Variants in EPHA6 observed in about 807,000 individuals in gnomAD.
EPHA6 encodes EPH receptor A6.
EPHA6 carries 50 observed loss-of-function variants against 112.0 expected under a neutral mutation model. The ratio of observed to expected loss-of-function variants is 0.45; its 90% CI spans 0.36 to 0.56. The LOEUF (loss-of-function observed/expected upper bound fraction) is 0.56. Ranked by LOEUF, EPHA6 falls within the 20% of genes least tolerant of loss-of-function variation. The pLI is 0.00. For synonymous variants in EPHA6, 529 were observed against 490.7 expected (o/e 1.08, Z -1.03); for missense variants, 1,280 against 1,417.4 (o/e 0.90, Z 1.56).
intron 14 of EPHA6, among the ~76,000 whole-genome samples, chr3:97,684,677 C>T (rs950322835): frequency 1.3e-5 from 2 of 152,114 alleles, no homozygotes; most frequent in South Asian, 4.1e-4. Context: ...AAGAAAGGTG[C>T]AGAGCCAGAG....
chr3:97,044,526 C>T (rs1210726614), intron 3 of EPHA6, among the ~76,000 whole-genome samples: 1 of 152,122 alleles, frequency 6.6e-6, no homozygotes, highest in African/African-American at 2.4e-5. Context: ...TATTAATGTT[C>T]TCAGATTTTA....
At chr3:97,159,730 C>T (rs373832894) in intron 3 of EPHA6, among the ~76,000 whole-genome samples, 8 of 151,926 alleles carry the variant, frequency 5.3e-5, no homozygotes, top group African/African-American at 1.9e-4. Flanking sequence ...ATTTCCTGAG[C>T]ATAGACCCAT....
intron 3 of EPHA6, among the ~76,000 whole-genome samples, chr3:97,129,080 G>A (rs770568691): frequency 7.9e-5 from 12 of 151,714 alleles, no homozygotes; most frequent in South Asian, 2.1e-4. Context: ...TCATCATGTC[G>A]TCCAGGCTGG....
Position 97,405,146 on chromosome 3 carries a change from T to G in EPHA6, c.1607-4T>G. The G allele has an allele frequency of 6.3e-7, 1 of 1,588,678 alleles. No homozygotes were observed. The highest frequency in any genetic ancestry group is 8.6e-7 in the Non-Finnish European group (1 of 1,165,654). On this transcript the variant is annotated splice_polypyrimidine_tract_variant and splice_region_variant and intron_variant, in intron 5 of 17. Coordinates refer to ENST00000389672, the MANE Select transcript of EPHA6 (RefSeq NM_001080448.3). ...TAATTCTTAGTTATTTTCTTTCCTT[T>G]CAGCACCTTCCCTGATAGGTGTGGT... is the stretch of plus-strand genomic sequence containing the variant.
At chr3:97,617,880 A>T (rs891379174) in intron 13 of EPHA6, among the ~76,000 whole-genome samples, 2 of 152,180 alleles carry the variant, frequency 1.3e-5, no homozygotes, top group African/African-American at 4.8e-5. Flanking sequence ...ATCAAGATAG[A>T]AAATTCACAA....
chr3:97,053,952 A>G (rs1481036909), intron 3 of EPHA6, among the ~76,000 whole-genome samples: 1 of 151,998 alleles, frequency 6.6e-6, no homozygotes, highest in East Asian at 1.9e-4. Context: ...GTTTCACCTA[A>G]CCTAGATGGC....
At chr3:97,673,625 G>A (rs776977735) in intron 14 of EPHA6, among the ~76,000 whole-genome samples, 2 of 152,138 alleles carry the variant, frequency 1.3e-5, no homozygotes, top group South Asian at 2.1e-4. Flanking sequence ...TGAGGACAGC[G>A]AACAAGCTTT....
intron 14 of EPHA6, among the ~76,000 whole-genome samples, chr3:97,715,216 A>C (rs534978118): frequency 3.3e-4 from 50 of 152,300 alleles, no homozygotes; most frequent in Non-Finnish European, 5.9e-4. Flanking sequence ...ATGAGAGCTG[A>C]GAAATTGTGG....
intron 3 of EPHA6, among the ~76,000 whole-genome samples, chr3:97,137,740 C>T (rs1272723965): frequency 6.6e-6 from 1 of 152,102 alleles, no homozygotes; most frequent in Non-Finnish European, 1.5e-5. Context: ...TACCAACTTG[C>T]AGTCCTTTAT....
At position 97,601,087 on chromosome 3, in the gene EPHA6, G is replaced by A. The variant is rs556914713; in HGVS notation, c.2512+8350G>A. On this transcript the variant is annotated intron_variant, in intron 12 of 17. Coordinates refer to ENST00000389672, the MANE Select transcript of EPHA6 (RefSeq NM_001080448.3). ...TAAAAATAAATATGATATATATATG[G>A]CTATTTAAATTCTCCATTGAGAGCA... is the stretch of plus-strand genomic sequence containing the variant. Among the ~76,000 whole-genome samples the A allele has an allele frequency of 4.0e-5, 6 of 151,870 alleles. No homozygotes were observed. In the East Asian group the frequency reaches 7.7e-4, roughly 20 times the overall value.
At chr3:97,473,471 A>C (rs1382377229) in intron 7 of EPHA6, among the ~76,000 whole-genome samples, 3 of 151,798 alleles carry the variant, frequency 2.0e-5, no homozygotes, top group African/African-American at 7.2e-5. Flanking sequence ...TGATTTTCAA[A>C]AGGCACCCAA....
In EPHA6 at chr3:96,994,709, G is replaced by GTGTATATATATATATATATA. The variant is rs1363786371; in HGVS notation, c.1114+6717_1114+6718insGTATATATATATATATATAT. Among the ~76,000 whole-genome samples the GTGTATATATATATATATATA allele has an allele frequency of 8.1e-5, 8 of 98,436 alleles. No individual in the cohort carries two copies. The East Asian group carries it at 8.2e-4, about 10-fold the overall frequency. The allele number at this position is 98,436 out of a possible 152,430, so 64.6% of individuals were successfully genotyped here. A position where few individuals can be genotyped will look rare whatever the true frequency, so the allele number is the denominator to read the frequency against. On this transcript the variant is annotated intron_variant, in intron 3 of 17. Coordinates refer to ENST00000389672, the MANE Select transcript of EPHA6 (RefSeq NM_001080448.3). ...TGTGTGTGTATGTGTGTGTGTGTGT[G>GTGTATATATATATATATATA]TATATATATATATATATATATATAG...
intron 14 of EPHA6, among the ~76,000 whole-genome samples, chr3:97,662,267 A>G (rs2094174919): frequency 6.6e-6 from 1 of 152,206 alleles, no homozygotes; most frequent in Non-Finnish European, 1.5e-5. Flanking sequence ...TTTTTAGTAA[A>G]TGTTAATTTA....
intron 2 of EPHA6, among the ~76,000 whole-genome samples, chr3:96,887,175 T>A (rs983006874): frequency 1.3e-5 from 2 of 152,096 alleles, no homozygotes; most frequent in African/African-American, 2.4e-5. Context: ...TGTTTCTTCA[T>A]ATTACTAGGG....
intron 2 of EPHA6, among the ~76,000 whole-genome samples, chr3:96,962,501 TA>T: frequency 6.8e-6 from 1 of 147,900 alleles, no homozygotes; most frequent in Non-Finnish European, 1.5e-5. Flanking sequence ...GTTCTAATAC[TA>T]AACCCACTTT....
intron 3 of EPHA6, among the ~76,000 whole-genome samples, chr3:97,099,342 G>T (rs1207363859): frequency 6.6e-6 from 1 of 151,666 alleles, no homozygotes; most frequent in African/African-American, 2.4e-5. Context: ...CTAAACACTT[G>T]TTTGTCTTTA....
chr3:96,826,668 G>C (rs2033679640), intron 1 of EPHA6, among the ~76,000 whole-genome samples: 1 of 151,982 alleles, frequency 6.6e-6, no homozygotes, highest in Non-Finnish European at 1.5e-5. Flanking sequence ...ATGCTTTTAT[G>C]TCTAAGTTCT....
chr3:97,399,441 C>A (rs745614920), intron 5 of EPHA6, among the ~76,000 whole-genome samples: 1 of 151,206 alleles, frequency 6.6e-6, no homozygotes, highest in Non-Finnish European at 1.5e-5. Flanking sequence ...CATTTCCTCT[C>A]GATATATACC....
chr3:97,367,895 A>C (rs1361711597), intron 5 of EPHA6, among the ~76,000 whole-genome samples: 1 of 152,218 alleles, frequency 6.6e-6, no homozygotes, highest in Non-Finnish European at 1.5e-5. Flanking sequence ...CATTTAAAAT[A>C]TAGAAGGCCA....
Sources: allele counts gnomAD v4.1 joint callset (sites outside exome capture counted in the v4.1 genomes callset), GRCh38; gene constraint gnomAD v4.1.1; transcripts MANE v1.5; gene names NCBI Gene and HGNC (gene_info 2026-07-23, HGNC 2026-07-21).